Variants in TEAD1 observed in about 807,000 individuals in gnomAD.
TEAD1 encodes transcriptional enhancer factor TEF-1.
A neutral mutation model predicts 54.9 loss-of-function variants in TEAD1; 9 were observed. The observed-to-expected ratio is 0.16, with a 90% CI of 0.10 to 0.29. The LOEUF (loss-of-function observed/expected upper bound fraction) is 0.29. Ranked by LOEUF, TEAD1 falls within the 10% of genes least tolerant of loss-of-function variation. The pLI is 1.00. For missense variants in TEAD1, 387 were observed against 535.9 expected, an observed-to-expected ratio of 0.72 and a Z score of 2.74; for synonymous variants, 200 against 187.8, an observed-to-expected ratio of 1.07 and a Z score of -0.53.
At position 12,937,290 on chromosome 11, in the gene TEAD1, C is replaced by T. The variant is rs1949119282; in HGVS notation, c.*68C>T. The T allele has an allele frequency of 7.8e-7, 1 of 1,288,076 alleles. No homozygotes were observed. Among genetic ancestry groups the T allele is most frequent in the African/African-American group, 1.5e-5 (1 of 67,214 alleles). The allele number at this position is 1,288,076 out of a possible 1,614,324, so 79.8% of individuals were successfully genotyped here. ...ACATATGTGCACACACACACTCTCTCTCCATTATCGAACGACTGACTGTAA... is the reference window on the plus strand; with the variant it reads ...ACATATGTGCACACACACACTCTCTTTCCATTATCGAACGACTGACTGTAA... On this transcript the variant is annotated 3_prime_UTR_variant, in exon 13 of 13. Transcript: ENST00000527636.
At chr11:12,895,070 C>T (rs1395303637) in intron 9 of TEAD1, among the ~76,000 whole-genome samples, 1 of 152,086 alleles carries the variant, frequency 6.6e-6, no homozygotes, top group Non-Finnish European at 1.5e-5. Flanking sequence ...ACCCAGATCC[C>T]ATCTGACACC....
intron 2 of TEAD1, among the ~76,000 whole-genome samples, chr11:12,738,211 A>G (rs1944576069): frequency 6.6e-6 from 1 of 152,198 alleles, no homozygotes; most frequent in Admixed American, 6.5e-5. Context: ...AATACATAGA[A>G]TAAGAAATAC....
intron 5 of TEAD1, chr11:12,865,434 C>G (rs1452362868): frequency 1.3e-5 from 2 of 158,646 alleles, no homozygotes; most frequent in Non-Finnish European, 2.8e-5. Flanking sequence ...TCTCTTCCCT[C>G]AGAGTATTTT....
intron 5 of TEAD1, among the ~76,000 whole-genome samples, chr11:12,876,801 G>A (rs926188108): frequency 2.6e-5 from 4 of 152,192 alleles, no homozygotes; most frequent in East Asian, 1.9e-4. Flanking sequence ...CAATGGATTC[G>A]TATTGATGTC....
rs74890014 is a variant in TEAD1, at chr11:12,816,266, C to G, written c.203-45984C>G. Reference sequence around the variant, plus strand: ...CTGCCACCCTCTCTCATTCCAGTGTCTCTGACCACACTCTCACTAGGCCCT... The same window carrying G: ...CTGCCACCCTCTCTCATTCCAGTGTGTCTGACCACACTCTCACTAGGCCCT... On this transcript the variant is annotated intron_variant, in intron 3 of 12. Coordinates refer to ENST00000527636, the MANE Select transcript of TEAD1 (RefSeq NM_021961.6). 1.7e-4 allele frequency among the ~76,000 whole-genome samples: 26 copies of G among 152,274 alleles called. No homozygotes were observed. The East Asian group carries it at 4.8e-3, about 28-fold the overall frequency.
At position 12,943,102 on chromosome 11, in the gene TEAD1, G is replaced by A. The variant is rs956204276; in HGVS notation, c.*5880G>A. 1 of 152,186 alleles carries A rather than the reference G, an allele frequency of 6.6e-6. No homozygotes were observed. Among genetic ancestry groups the A allele is most frequent in the African/African-American group, 2.4e-5 (1 of 41,446 alleles). The allele number at this position is 152,186 out of a possible 1,614,324, so 9.4% of individuals were successfully genotyped here. A position where few individuals can be genotyped will look rare whatever the true frequency, so the allele number is the denominator to read the frequency against. On this transcript the variant is annotated 3_prime_UTR_variant, in exon 13 of 13. Coordinates refer to ENST00000527636, the MANE Select transcript of TEAD1 (RefSeq NM_021961.6). Reference sequence around the variant, plus strand: ...TACGTTCTGTGTGTCTCTACCTGGCGTCTTTAAGAATATCCTCTCTGGGCT... The same window carrying A: ...TACGTTCTGTGTGTCTCTACCTGGCATCTTTAAGAATATCCTCTCTGGGCT...
chr11:12,864,776 G>A, intron 4 of TEAD1, 62 bp from the exon 5 acceptor site: 5 of 1,613,484 alleles, frequency 3.1e-6, no homozygotes, highest in Non-Finnish European at 3.4e-6. Context: ...ACTTGTAGGG[G>A]GCTTTTCATC....
intron 4 of TEAD1, chr11:12,864,594 A>G: frequency 1.0e-6 from 1 of 975,116 alleles, no homozygotes. Context: ...CCCAAAGAGT[A>G]GCGATTTTAT....
At chr11:12,909,492 G>A (rs1251664489) in intron 10 of TEAD1, among the ~76,000 whole-genome samples, 1 of 147,948 alleles carries the variant, frequency 6.8e-6, no homozygotes, top group African/African-American at 2.6e-5. Context: ...CAGGGACACA[G>A]GGAGGGGAAC....
intron 2 of TEAD1, among the ~76,000 whole-genome samples, chr11:12,676,190 A>G (rs77205832): frequency 0.029 from 4,397 of 152,348 alleles, 218 homozygotes; most frequent in African/African-American, 0.1. Flanking sequence ...ACGTATTGCA[A>G]AGGAGCAGAA....
chr11:12,872,911 G>A (rs1052697864), intron 5 of TEAD1, among the ~76,000 whole-genome samples: 3 of 152,184 alleles, frequency 2.0e-5, no homozygotes, highest in Non-Finnish European at 4.4e-5. Context: ...CTAAGTACTT[G>A]AAGCAGTCCT....
In TEAD1 at chr11:12,674,480, T is replaced by G. The variant is rs1225660734; in HGVS notation, c.-562T>G. The G allele has an allele frequency of 6.6e-6, 1 of 151,200 alleles. No individual in the cohort carries two copies. The highest frequency in any genetic ancestry group is 1.5e-5 in the Non-Finnish European group (1 of 68,146). 9.4% of individuals were successfully genotyped at this position (151,200 alleles called of 1,614,324 possible). On this transcript the variant is annotated 5_prime_UTR_variant, in exon 1 of 13. Coordinates refer to ENST00000527636, the MANE Select transcript of TEAD1 (RefSeq NM_021961.6). The stretch of plus-strand genomic sequence containing the variant: ...CGCGCCGCCTGAGCCGAGCCGAGCC[T>G]CTGCTGCCGCCGCCGCGGCCCCGCC...
chr11:12,841,682 A>AAATG (rs1253013145), intron 3 of TEAD1, among the ~76,000 whole-genome samples: 2 of 152,194 alleles, frequency 1.3e-5, no homozygotes, highest in African/African-American at 4.8e-5. Flanking sequence ...GTTTAGAGGG[A>AAATG]AATGGGAGAT....
chr11:12,773,374 G>C (rs78514886), intron 3 of TEAD1, among the ~76,000 whole-genome samples: 7,921 of 152,190 alleles, frequency 0.052, 685 homozygotes, highest in African/African-American at 0.18. Context: ...CAGAGTAGTT[G>C]TACCACTTTA....
chr11:12,721,139 C>T (rs1944187776), intron 2 of TEAD1, among the ~76,000 whole-genome samples: 1 of 152,218 alleles, frequency 6.6e-6, no homozygotes, highest in African/African-American at 2.4e-5. Flanking sequence ...ACCATTTAAT[C>T]GTTGCTAGTT....
At chr11:12,858,885 A>G (rs1024420742) in intron 3 of TEAD1, among the ~76,000 whole-genome samples, 2 of 152,242 alleles carry the variant, frequency 1.3e-5, no homozygotes, top group African/African-American at 4.8e-5. Flanking sequence ...ACACAAACCT[A>G]GATGGAATAG....
At chr11:12,841,538 CT>C (rs1947041902) in intron 3 of TEAD1, among the ~76,000 whole-genome samples, 1 of 152,226 alleles carries the variant, frequency 6.6e-6, no homozygotes, top group Admixed American at 6.5e-5. Flanking sequence ...TTCTCTCTGG[CT>C]TTTCTGAGAA....
At chr11:12,801,854 T>TAA (rs1946066283) in intron 3 of TEAD1, among the ~76,000 whole-genome samples, 1 of 152,206 alleles carries the variant, frequency 6.6e-6, no homozygotes, top group African/African-American at 2.4e-5. Flanking sequence ...TGGTGATTCT[T>TAA]AAGAGTGTAA....
At chr11:12,827,961 A>G (rs1365516117) in intron 3 of TEAD1, among the ~76,000 whole-genome samples, 1 of 152,204 alleles carries the variant, frequency 6.6e-6, no homozygotes, top group Non-Finnish European at 1.5e-5. Context: ...GCAAAAATAA[A>G]CAAGTGAGGG....
Sources: allele counts gnomAD v4.1 joint callset (sites outside exome capture counted in the v4.1 genomes callset), GRCh38; gene constraint gnomAD v4.1.1; transcripts MANE v1.5; gene names NCBI Gene and HGNC (gene_info 2026-07-23, HGNC 2026-07-21).